The following DLGAP2 variants were observed in gnomAD, a reference collection of about 807,000 sequenced individuals.
DLGAP2 encodes the protein DLG associated protein 2.
DLGAP2 carries 26 observed loss-of-function variants against 100.3 expected under a neutral mutation model. The ratio of observed to expected loss-of-function variants is 0.26; its 90% CI spans 0.19 to 0.36. The LOEUF (loss-of-function observed/expected upper bound fraction) is 0.36, where lower values mean the gene tolerates loss of function less well. DLGAP2 is among the 10% of genes least tolerant of loss of function. The probability of loss-of-function intolerance (pLI) is 1.00; values close to 1 mark genes in which losing one functional copy is unlikely to be tolerated. For synonymous variants in DLGAP2, 886 were observed against 630.1 expected (o/e 1.41, Z -6.08); for missense variants, 1,858 against 1,453.2 (o/e 1.28, Z -4.53).
chr8:1,101,482 CT>C (rs1423045983), intron 2 of DLGAP2, among the ~76,000 whole-genome samples: 1 of 152,180 alleles, frequency 6.6e-6, no homozygotes, highest in Non-Finnish European at 1.5e-5. Flanking sequence ...CACCCAGAGT[CT>C]GCAGATTCAC....
chr8:1,138,031 C>T (rs6984082), intron 2 of DLGAP2, among the ~76,000 whole-genome samples: 107 of 152,326 alleles, frequency 7.0e-4, no homozygotes, highest in Middle Eastern at 3.4e-3. Context: ...CCACGGCGCC[C>T]GGCCCCCTCT....
chr8:1,683,848 A>ATG (rs1799026251), intron 12 of DLGAP2, among the ~76,000 whole-genome samples: 1 of 71,522 alleles, frequency 1.4e-5, no homozygotes, highest in Non-Finnish European at 2.3e-5. Flanking sequence ...ATATATATAT[A>ATG]TATATATATG....
At position 769,898 on chromosome 8, in the gene DLGAP2, C is replaced by T. The variant is rs1350999751; in HGVS notation, c.18+32073C>T. Among the ~76,000 whole-genome samples the T allele has an allele frequency of 7.2e-5, 11 of 152,256 alleles. No homozygotes were observed. In the East Asian group the frequency reaches 1.5e-3, roughly 21 times the overall value. The stretch of plus-strand genomic sequence containing the variant: ...AGTCAGAAGCCATGAAAATGGACCA[C>T]GGCTGAGCTGACTGGCTTCAGCAGC... On this transcript the variant is annotated intron_variant, in intron 1 of 14. Transcript: ENST00000637795.
intron 4 of DLGAP2, among the ~76,000 whole-genome samples, chr8:1,509,328 CAAA>C (rs11307586): frequency 7.3e-6 from 1 of 137,768 alleles, no homozygotes. Context: ...AGACTCCGTC[CAAA>C]AAAAAAAAAA....
chr8:1,346,286 C>A (rs1017644907), intron 3 of DLGAP2, among the ~76,000 whole-genome samples: 1 of 151,304 alleles, frequency 6.6e-6, no homozygotes, highest in African/African-American at 2.4e-5. Context: ...AGTTCCCATA[C>A]ACATCTGCAT....
chr8:1,190,803 G>A (rs566889189), intron 2 of DLGAP2, among the ~76,000 whole-genome samples: 18 of 152,126 alleles, frequency 1.2e-4, no homozygotes, highest in South Asian at 8.5e-4. Flanking sequence ...GCAGCAAGGC[G>A]TGGGGTCTGT....
chr8:1,282,511 TG>T (rs1159399068), intron 3 of DLGAP2, among the ~76,000 whole-genome samples: 4 of 127,854 alleles, frequency 3.1e-5, no homozygotes, highest in Non-Finnish European at 4.9e-5. Flanking sequence ...CATCCAGACG[TG>T]GTGTGACCTG....
intron 4 of DLGAP2, among the ~76,000 whole-genome samples, chr8:1,510,231 C>G (rs1342992551): frequency 1.3e-5 from 2 of 152,188 alleles, no homozygotes; most frequent in East Asian, 3.9e-4. Flanking sequence ...CTGGCTTTCC[C>G]TGGACAACAG....
intron 3 of DLGAP2, among the ~76,000 whole-genome samples, chr8:1,486,020 C>T (rs551839188): frequency 1.2e-3 from 178 of 152,200 alleles, no homozygotes; most frequent in African/African-American, 4.2e-3. Flanking sequence ...GAAAGAGACT[C>T]CATCTCAAAA....
intron 6 of DLGAP2, among the ~76,000 whole-genome samples, chr8:1,602,953 G>T (rs1349343991): frequency 6.6e-6 from 1 of 152,258 alleles, no homozygotes; most frequent in East Asian, 1.9e-4. Flanking sequence ...GTCTGTAAGG[G>T]TGGAAGGCTG....
intron 2 of DLGAP2, among the ~76,000 whole-genome samples, chr8:1,231,305 C>T (rs1798530952): frequency 2.0e-5 from 3 of 152,124 alleles, no homozygotes; most frequent in South Asian, 2.1e-4. Context: ...TCACGCCAGT[C>T]AGAATGACTA....
intron 6 of DLGAP2, among the ~76,000 whole-genome samples, chr8:1,594,330 C>T (rs1156509940): frequency 1.3e-5 from 2 of 152,024 alleles, no homozygotes; most frequent in East Asian, 1.9e-4. Flanking sequence ...TATGAAGATG[C>T]CCCCTAAGGT....
chr8:1,203,694 A>G (rs1445617632), intron 2 of DLGAP2, among the ~76,000 whole-genome samples: 1 of 152,228 alleles, frequency 6.6e-6, no homozygotes, highest in Non-Finnish European at 1.5e-5. Context: ...AAATCCCCTT[A>G]TTCTCGCTCT....
At chr8:820,636 G>C (rs1270510664) in intron 1 of DLGAP2, among the ~76,000 whole-genome samples, 1 of 152,186 alleles carries the variant, frequency 6.6e-6, no homozygotes, top group Non-Finnish European at 1.5e-5. Context: ...GAAGATTGTT[G>C]ATATGTGGCA....
At chr8:1,056,761 A>T (rs559857008) in intron 2 of DLGAP2, among the ~76,000 whole-genome samples, 2 of 152,232 alleles carry the variant, frequency 1.3e-5, no homozygotes, top group African/African-American at 2.4e-5. Flanking sequence ...CTTAATTTTG[A>T]TCTCAGTTTC....
At chr8:1,155,840 G>A (rs1218732092) in intron 2 of DLGAP2, among the ~76,000 whole-genome samples, 1 of 152,210 alleles carries the variant, frequency 6.6e-6, no homozygotes, top group Non-Finnish European at 1.5e-5. Flanking sequence ...GAGTGGGCGA[G>A]CGGCGTGTGT....
intron 6 of DLGAP2, among the ~76,000 whole-genome samples, chr8:1,613,073 C>T (rs1320798900): frequency 2.3e-5 from 3 of 131,712 alleles, no homozygotes; most frequent in Admixed American, 7.9e-5. Context: ...AATCATGCTG[C>T]TATAAAGACA....
At chr8:1,384,595 C>T (rs1796173207) in intron 3 of DLGAP2, among the ~76,000 whole-genome samples, 3 of 143,414 alleles carry the variant, frequency 2.1e-5, no homozygotes, top group Non-Finnish European at 3.0e-5. Flanking sequence ...GGCCTGTGCC[C>T]GGCCCCTGAG....
At chr8:1,510,157 A>G (rs1357714738) in intron 4 of DLGAP2, among the ~76,000 whole-genome samples, 1 of 152,218 alleles carries the variant, frequency 6.6e-6, no homozygotes, top group Non-Finnish European at 1.5e-5. Flanking sequence ...GGCATTCGAA[A>G]AGGAGTCGGA....
Sources: gnomAD v4.1 joint callset for allele counts (sites outside exome capture counted in the v4.1 genomes callset) on GRCh38, gnomAD v4.1.1 for gene constraint, MANE v1.5 for transcripts, NCBI Gene and HGNC (gene_info 2026-07-23, HGNC 2026-07-21) for gene names.